Variants in PRDM1 observed in about 807,000 individuals in gnomAD.
The protein encoded by PRDM1 is PR domain zinc finger protein 1.
Under a neutral mutation model 62.8 loss-of-function variants are expected in PRDM1, and 13 were observed. That is an observed-to-expected ratio of 0.21 (90% CI 0.13 to 0.33). The LOEUF is 0.33. Among genes scored for constraint, PRDM1 ranks in the 10% least tolerant of loss-of-function variants. The pLI is 1.00. For synonymous variants in PRDM1, 396 were observed against 417.6 expected, an observed-to-expected ratio of 0.95 and a Z score of 0.63; for missense variants, 895 against 1,058.8, an observed-to-expected ratio of 0.85 and a Z score of 2.15.
intron 1 of PRDM1, among the ~76,000 whole-genome samples, chr6:106,024,016 C>A (rs562374778): frequency 1.3e-5 from 2 of 152,178 alleles, no homozygotes; most frequent in African/African-American, 4.8e-5. Flanking sequence ...GTAGCACGCG[C>A]CTGTAGTCCT....
chr6:106,050,385 C>A (rs566268596), intron 1 of PRDM1, among the ~76,000 whole-genome samples: 1 of 152,294 alleles, frequency 6.6e-6, no homozygotes, highest in Non-Finnish European at 1.5e-5. Context: ...GATTTGAAGA[C>A]ATCATGAGAA....
chr6:106,075,297 C>G (rs976989414), intron 1 of PRDM1, among the ~76,000 whole-genome samples: 3 of 152,120 alleles, frequency 2.0e-5, no homozygotes, highest in African/African-American at 7.2e-5. Context: ...TTTCAAAAAT[C>G]CTCATTTTCC....
intron 1 of PRDM1, among the ~76,000 whole-genome samples, chr6:106,075,743 G>T (rs1773594858): frequency 6.6e-6 from 1 of 152,070 alleles, no homozygotes; most frequent in South Asian, 2.1e-4. Context: ...TTTTTTAAGA[G>T]CTGGGGTCTT....
Position 106,034,635 on chromosome 6 carries a change from C to CTCT in PRDM1, c.-67+40997_-67+40998insCTT, listed in dbSNP as rs745833853. 5.8e-3 allele frequency among the ~76,000 whole-genome samples: 509 copies of CTCT among 88,470 alleles called. 18 individuals carry two copies. Among genetic ancestry groups the CTCT allele is most frequent in the African/African-American group, 0.021 (463 of 21,690 alleles). The allele number at this position is 88,470 out of a possible 152,430, so 58.0% of individuals were successfully genotyped here. A position where few individuals can be genotyped will look rare whatever the true frequency, so the allele number is the denominator to read the frequency against. ...TCTTACAGTCTTTCATGTTCTCTCT[C>CTCT]TTTTTTTTTTTTTTTTTTTGAGATG... On this transcript the variant is annotated intron_variant, in intron 1 of 6. Transcript: ENST00000652320.
intron 1 of PRDM1, among the ~76,000 whole-genome samples, chr6:106,053,017 A>T (rs944110470): frequency 6.6e-6 from 1 of 152,058 alleles, no homozygotes; most frequent in Non-Finnish European, 1.5e-5. Context: ...ACCTAAAAAA[A>T]CCCTCAAATA....
At chr6:106,047,219 G>T (rs1773095174), upstream of PRDM1, among the ~76,000 whole-genome samples, 1 of 152,218 alleles carries the variant, frequency 6.6e-6, no homozygotes, top group South Asian at 2.1e-4. Flanking sequence ...AAAGAATTTG[G>T]AGTTTCAGCT....
intron 1 of PRDM1, among the ~76,000 whole-genome samples, chr6:106,035,499 C>T (rs1772912025): frequency 1.3e-5 from 2 of 152,198 alleles, no homozygotes; most frequent in Admixed American, 1.3e-4. Context: ...TGTGGTGGCA[C>T]ATGCCTGTAG....
chr6:106,093,681 ATT>A (rs1305063935), intron 2 of PRDM1, among the ~76,000 whole-genome samples: 1 of 152,198 alleles, frequency 6.6e-6, no homozygotes, highest in Non-Finnish European at 1.5e-5. Context: ...AAATATATAT[ATT>A]TATATCTCAA....
chr6:105,998,026 G>GTTCCT (rs932707508), intron 1 of PRDM1, among the ~76,000 whole-genome samples: 2 of 152,114 alleles, frequency 1.3e-5, no homozygotes, highest in African/African-American at 4.8e-5. Context: ...TGTTTAGTTG[G>GTTCCT]TTTCTATTTT....
chr6:106,031,849 A>G (rs1488106216), intron 1 of PRDM1, among the ~76,000 whole-genome samples: 1 of 152,128 alleles, frequency 6.6e-6, no homozygotes, highest in Non-Finnish European at 1.5e-5. Flanking sequence ...CAAGAAACAA[A>G]AAGCCCGAGT....
rs1235699667 is a variant in PRDM1, at chr6:106,108,359, C to T, written c.*873C>T. ...CGAGTCCTGTGGCCATTCAGAGCGGCCACATGACTTTTGCATCCATTGTAT... is the reference window on the plus strand; with the variant it reads ...CGAGTCCTGTGGCCATTCAGAGCGGTCACATGACTTTTGCATCCATTGTAT... On this transcript the variant is annotated 3_prime_UTR_variant, in exon 7 of 7. Transcript: ENST00000369096. 2 of 233,432 alleles carry T rather than the reference C, an allele frequency of 8.6e-6. No individual in the cohort carries two copies. Among genetic ancestry groups the T allele is most frequent in the Non-Finnish European group, 1.7e-5 (2 of 117,978 alleles). The allele number at this position is 233,432 out of a possible 1,614,324, so 14.5% of individuals were successfully genotyped here.
At chr6:106,081,007 G>C (rs1773685519) in intron 1 of PRDM1, among the ~76,000 whole-genome samples, 1 of 152,220 alleles carries the variant, frequency 6.6e-6, no homozygotes, top group African/African-American at 2.4e-5. Context: ...TGGATCTCCA[G>C]GCTATCTTCA....
intron 3 of PRDM1, chr6:106,098,953 C>T (rs1562169946): frequency 6.5e-7 from 1 of 1,537,764 alleles, no homozygotes; most frequent in Middle Eastern, 1.7e-4. Flanking sequence ...TAGCATCGCC[C>T]ATTTGCCATT....
intron 4 of PRDM1, among the ~76,000 whole-genome samples, chr6:106,104,609 T>C (rs1418025890): frequency 6.6e-6 from 1 of 152,238 alleles, no homozygotes; most frequent in Non-Finnish European, 1.5e-5. Flanking sequence ...CTGTCTGTGC[T>C]GCCATTGTCC....
At chr6:106,065,214 A>T (rs1773414334) in intron 1 of PRDM1, among the ~76,000 whole-genome samples, 1 of 151,844 alleles carries the variant, frequency 6.6e-6, no homozygotes, top group Admixed American at 6.6e-5. Context: ...CGGGTGCTGG[A>T]CTCAAACCCC....
At chr6:106,089,300 C>G (rs1292326717) in intron 2 of PRDM1, among the ~76,000 whole-genome samples, 1 of 152,218 alleles carries the variant, frequency 6.6e-6, no homozygotes, top group Non-Finnish European at 1.5e-5. Context: ...GACCCCTCAG[C>G]AGACTTCCCA....
chr6:106,030,852 C>G (rs1344690132), intron 1 of PRDM1, among the ~76,000 whole-genome samples: 1 of 152,118 alleles, frequency 6.6e-6, no homozygotes, highest in Non-Finnish European at 1.5e-5. Context: ...ATGTGCGGGT[C>G]TATTTCTGTA....
chr6:106,029,197 G>T (rs1313583264), intron 1 of PRDM1, among the ~76,000 whole-genome samples: 2 of 152,158 alleles, frequency 1.3e-5, no homozygotes, highest in Non-Finnish European at 2.9e-5. Flanking sequence ...GGGATTACAG[G>T]CATGAGCCAC....
chr6:106,106,234 C>A lies in PRDM1; in HGVS notation c.1774-137C>A. The A allele has an allele frequency of 7.4e-7, 1 of 1,357,718 alleles. No individual in the cohort carries two copies. Among genetic ancestry groups the A allele is most frequent in the Non-Finnish European group, 1.0e-6 (1 of 999,544 alleles). 84.1% of individuals were successfully genotyped at this position (1,357,718 alleles called of 1,614,324 possible). ...TTTAAGAAAAACACCATTCTGAAAA[C>A]ATGAAGATTTCTTCTTTTTAAGACT... On this transcript the variant is annotated intron_variant, in intron 5 of 6. Coordinates refer to ENST00000369096, the MANE Select transcript of PRDM1 (RefSeq NM_001198.4). The surrounding 1 kb of genome is among the most constrained non-coding windows in gnomAD (Gnocchi z 4.4).
Sources: gnomAD v4.1 joint callset for allele counts (sites outside exome capture counted in the v4.1 genomes callset) on GRCh38, gnomAD v4.1.1 for gene constraint, Gnocchi (gnomAD v3.1) non-coding constraint, MANE v1.5 for transcripts, NCBI Gene and HGNC (gene_info 2026-07-23, HGNC 2026-07-21) for gene names.